The following EPHA5 variants were observed in gnomAD, a reference collection of about 807,000 sequenced individuals.
The protein encoded by EPHA5 is ephrin type-A receptor 5.
EPHA5 carries 60 observed loss-of-function variants against 105.0 expected under a neutral mutation model. That is an observed-to-expected ratio of 0.57 (90% confidence interval 0.46 to 0.71). The LOEUF (loss-of-function observed/expected upper bound fraction) is 0.71, where lower values mean the gene tolerates loss of function less well. EPHA5 is among the 30% of genes least tolerant of loss of function. The pLI is 0.00. For synonymous variants in EPHA5, 513 were observed against 449.1 expected, an observed-to-expected ratio of 1.14 and a Z score of -1.80; for missense variants, 1,218 against 1,274.7, an observed-to-expected ratio of 0.96 and a Z score of 0.68.
rs1719643826 is a variant in EPHA5 at position 65,321,574 on chromosome 4, T to A, written c.*2540A>T. On this transcript the variant is annotated 3_prime_UTR_variant, in exon 17 of 17. Transcript: ENST00000613740. ...CTTCCTTAGAAATTCTCAACCAAAT[T>A]GAGATGCAAAAGAAAACTATGTGGC... The A allele has an allele frequency of 4.4e-6, 1 of 229,082 alleles. No homozygotes were observed. The highest frequency in any genetic ancestry group is 1.8e-4 in the South Asian group (1 of 5,504). 14.2% of individuals were successfully genotyped at this position (229,082 alleles called of 1,614,324 possible).
At chr4:65,589,511 A>T (rs1742433841) in intron 3 of EPHA5, among the ~76,000 whole-genome samples, 1 of 152,136 alleles carries the variant, frequency 6.6e-6, no homozygotes. Context: ...CACTGTTGTG[A>T]CATTTCATTT....
chr4:65,612,934 A>C (rs1247037178), intron 2 of EPHA5, among the ~76,000 whole-genome samples: 1 of 152,102 alleles, frequency 6.6e-6, no homozygotes, highest in Non-Finnish European at 1.5e-5. Flanking sequence ...TTGAGGTCTT[A>C]ATCATGCATA....
chr4:65,596,964 C>T (rs944118589), intron 3 of EPHA5, among the ~76,000 whole-genome samples: 4 of 152,008 alleles, frequency 2.6e-5, no homozygotes, highest in Non-Finnish European at 5.9e-5. Flanking sequence ...AAATATGCAC[C>T]AGAAGTACGA....
At chr4:65,340,399 C>T (rs1721597833) in intron 14 of EPHA5, among the ~76,000 whole-genome samples, 1 of 152,148 alleles carries the variant, frequency 6.6e-6, no homozygotes, top group Admixed American at 6.5e-5. Flanking sequence ...AAGAGATCAG[C>T]AGAAAAGAAG....
At chr4:65,608,219 C>T (rs1050612293) in intron 2 of EPHA5, among the ~76,000 whole-genome samples, 15 of 152,092 alleles carry the variant, frequency 9.9e-5, no homozygotes, top group African/African-American at 2.9e-4. Context: ...AGTACCACCC[C>T]ATGATTTTAG....
At chr4:65,617,465 C>T (rs934421600) in intron 2 of EPHA5, among the ~76,000 whole-genome samples, 1 of 152,080 alleles carries the variant, frequency 6.6e-6, no homozygotes, top group Admixed American at 6.6e-5. Flanking sequence ...AATGAAAATG[C>T]CAACAGCGAT....
intron 2 of EPHA5, among the ~76,000 whole-genome samples, chr4:65,617,588 C>A (rs930001973): frequency 2.6e-5 from 4 of 152,068 alleles, no homozygotes; most frequent in Admixed American, 2.6e-4. Context: ...GTAATTTGGT[C>A]AAAGAACACT....
chr4:65,448,644 T>C (rs1290338909), intron 5 of EPHA5, among the ~76,000 whole-genome samples: 1 of 152,096 alleles, frequency 6.6e-6, no homozygotes, highest in Non-Finnish European at 1.5e-5. Flanking sequence ...CCAGACTCCA[T>C]CTCGAAAACA....
At chr4:65,605,509 G>T (rs958811294) in intron 2 of EPHA5, among the ~76,000 whole-genome samples, 4 of 152,088 alleles carry the variant, frequency 2.6e-5, no homozygotes, top group Admixed American at 2.6e-4. Flanking sequence ...ACATGGGCTG[G>T]ACCAGAAATC....
chr4:65,522,041 T>C (rs1471069758), intron 3 of EPHA5, among the ~76,000 whole-genome samples: 1 of 151,902 alleles, frequency 6.6e-6, no homozygotes, highest in Non-Finnish European at 1.5e-5. Flanking sequence ...CATACAGTGA[T>C]GACACTCAAA....
At chr4:65,536,093 A>G (rs1331866093) in intron 3 of EPHA5, among the ~76,000 whole-genome samples, 1 of 152,010 alleles carries the variant, frequency 6.6e-6, no homozygotes, top group African/African-American at 2.4e-5. Flanking sequence ...CATACTTTAT[A>G]TTGATCAATG....
At chr4:65,414,206 A>G in intron 7 of EPHA5, 78 bp downstream of exon 7, 1 of 1,278,512 alleles carries the variant, frequency 7.8e-7, no homozygotes, top group Admixed American at 1.7e-5. Context: ...CAGAGTGCCC[A>G]GGGAGGGTAT....
intron 13 of EPHA5, among the ~76,000 whole-genome samples, chr4:65,350,596 A>G (rs1234546363): frequency 6.6e-6 from 1 of 152,122 alleles, no homozygotes; most frequent in African/African-American, 2.4e-5. Context: ...TTAAGCAAAT[A>G]TTGTTTATCA....
chr4:65,537,843 C>T (rs1453921530), intron 3 of EPHA5, among the ~76,000 whole-genome samples: 2 of 151,628 alleles, frequency 1.3e-5, no homozygotes, highest in Admixed American at 1.3e-4. Flanking sequence ...AAAATATCCC[C>T]ATACAATAAT....
At chr4:65,354,048 G>A (rs955507375) in intron 11 of EPHA5, among the ~76,000 whole-genome samples, 2 of 151,544 alleles carry the variant, frequency 1.3e-5, no homozygotes, top group South Asian at 2.1e-4. Flanking sequence ...TATGGATCCC[G>A]GGCAAGTCAA....
intron 1 of EPHA5, among the ~76,000 whole-genome samples, chr4:65,660,859 C>A (rs1578720523): frequency 6.6e-6 from 1 of 152,054 alleles, no homozygotes. Context: ...GTTAAACTTG[C>A]AAAGTAGAAT....
chr4:65,530,083 A>G (rs1472617642), intron 3 of EPHA5, among the ~76,000 whole-genome samples: 1 of 152,136 alleles, frequency 6.6e-6, no homozygotes, highest in Non-Finnish European at 1.5e-5. Flanking sequence ...AATTATTATA[A>G]TCTAGCTGGG....
chr4:65,654,241 G>GAAA (rs35249905), intron 1 of EPHA5, among the ~76,000 whole-genome samples: 2 of 136,094 alleles, frequency 1.5e-5, no homozygotes, highest in South Asian at 2.4e-4. Context: ...CTTCTTTCTT[G>GAAA]AAAAAAAAAA....
intron 5 of EPHA5, among the ~76,000 whole-genome samples, chr4:65,440,062 A>G (rs138097825): frequency 0.017 from 2,592 of 152,210 alleles, 27 homozygotes; most frequent in South Asian, 0.038. Flanking sequence ...ATGTTTTTAT[A>G]TATGGTCTTT....
Sources: allele counts gnomAD v4.1 joint callset (sites outside exome capture counted in the v4.1 genomes callset), GRCh38; gene constraint gnomAD v4.1.1; transcripts MANE v1.5; gene names NCBI Gene and HGNC (gene_info 2026-07-23, HGNC 2026-07-21).